Variants in SLCO1B1 observed in about 807,000 individuals in gnomAD.
SLCO1B1 encodes OATP-2.
A neutral mutation model predicts 70.1 loss-of-function variants in SLCO1B1; 81 were observed. That is an observed-to-expected ratio of 1.16 (90% CI 0.97 to 1.39). The LOEUF (loss-of-function observed/expected upper bound fraction) is 1.39, where lower values mean the gene tolerates loss of function less well. Ranked by LOEUF, SLCO1B1 falls within the 40% of genes most tolerant of loss-of-function variation. SLCO1B1 has a pLI of 0.00. For missense variants in SLCO1B1, 895 were observed against 799.6 expected (o/e 1.12, Z -1.44); for synonymous variants, 283 against 271.5 (o/e 1.04, Z -0.42).
rs1203500187 is a variant in SLCO1B1 at position 21,183,983 on chromosome 12, G to A, written c.727+4963G>A. ...CTTTAGCAACAGAACATACCAAAGA[G>A]AGAAAAGAATCTCAGAGCTTAAAAA... On this transcript the variant is annotated intron_variant, in intron 7 of 14. Transcript: ENST00000256958. 3.3e-5 allele frequency among the ~76,000 whole-genome samples: 5 copies of A among 151,246 alleles called. No homozygotes were observed. In the South Asian group the frequency reaches 6.3e-4, roughly 19 times the overall value.
At chr12:21,142,875 G>A (rs1940331027) in intron 2 of SLCO1B1, among the ~76,000 whole-genome samples, 1 of 152,064 alleles carries the variant, frequency 6.6e-6, no homozygotes. Flanking sequence ...AGCATATCTG[G>A]AGAAGCTGGG....
intron 11 of SLCO1B1, among the ~76,000 whole-genome samples, chr12:21,211,095 C>A (rs369406469): frequency 6.6e-6 from 1 of 151,602 alleles, no homozygotes; most frequent in Admixed American, 6.6e-5. Flanking sequence ...TTCCAACACT[C>A]TGTTGAATAG....
chr12:21,225,388 C>G (rs563042896), intron 14 of SLCO1B1, among the ~76,000 whole-genome samples: 25 of 151,880 alleles, frequency 1.6e-4, no homozygotes, highest in Non-Finnish European at 3.5e-4. Flanking sequence ...GCATGGGCAT[C>G]TGGAAAAACA....
At chr12:21,146,686 T>C (rs1033300635) in intron 2 of SLCO1B1, among the ~76,000 whole-genome samples, 5 of 152,160 alleles carry the variant, frequency 3.3e-5, no homozygotes, top group African/African-American at 1.2e-4. Flanking sequence ...CAGATTTCTT[T>C]TGACTCATAA....
intron 1 of SLCO1B1, among the ~76,000 whole-genome samples, chr12:21,135,326 G>A (rs1940202303): frequency 6.6e-6 from 1 of 152,190 alleles, no homozygotes; most frequent in Non-Finnish European, 1.5e-5. Flanking sequence ...TTGGGGTGGA[G>A]AGTTCTGTAG....
intron 14 of SLCO1B1, among the ~76,000 whole-genome samples, chr12:21,225,357 G>A (rs1003315932): frequency 6.6e-5 from 10 of 151,900 alleles, no homozygotes; most frequent in Non-Finnish European, 1.3e-4. Context: ...GAGATATTCC[G>A]TAAGTGACAT....
chr12:21,215,701 T>C (rs1941349405), intron 11 of SLCO1B1, among the ~76,000 whole-genome samples: 1 of 152,178 alleles, frequency 6.6e-6, no homozygotes, highest in Non-Finnish European at 1.5e-5. Context: ...TATATTTTGG[T>C]ACCAGGATGA....
chr12:21,239,293 T>G lies in SLCO1B1; in HGVS notation c.*104T>G. The G allele has an allele frequency of 1.2e-6, 1 of 837,500 alleles. No individual in the cohort carries two copies. The allele number at this position is 837,500 out of a possible 1,614,324, so 51.9% of individuals were successfully genotyped here. A position where few individuals can be genotyped will look rare whatever the true frequency, so the allele number is the denominator to read the frequency against. ...GTTCCTGGTCCTTTCACTAAGAATT[T>G]CCACATCTTTTATGGTGGAAGTATA... On this transcript the variant is annotated 3_prime_UTR_variant, in exon 15 of 15. Coordinates refer to ENST00000256958, the MANE Select transcript of SLCO1B1 (RefSeq NM_006446.5).
intron 5 of SLCO1B1, among the ~76,000 whole-genome samples, 172 bp from the exon 6 acceptor site, chr12:21,178,404 T>C (rs1014273936): frequency 2.0e-5 from 3 of 152,074 alleles, no homozygotes; most frequent in African/African-American, 7.2e-5. Flanking sequence ...ATTAGCAGCA[T>C]AAGAATGGAC....
At chr12:21,201,805 T>C (rs985118469) in intron 9 of SLCO1B1, among the ~76,000 whole-genome samples, 12 of 152,172 alleles carry the variant, frequency 7.9e-5, no homozygotes, top group African/African-American at 2.2e-4. Context: ...ACTGTCATCA[T>C]TGGCAGGAAC....
intron 14 of SLCO1B1, among the ~76,000 whole-genome samples, chr12:21,233,094 T>A (rs948275208): frequency 6.6e-6 from 1 of 152,118 alleles, no homozygotes. Flanking sequence ...AATATTGACC[T>A]GGCGAGGCTC....
chr12:21,189,322 G>A (rs1036048422), intron 7 of SLCO1B1, among the ~76,000 whole-genome samples: 1 of 152,116 alleles, frequency 6.6e-6, no homozygotes, highest in Non-Finnish European at 1.5e-5. Flanking sequence ...GGAAAAGAGT[G>A]GAGTTGTGCT....
intron 14 of SLCO1B1, among the ~76,000 whole-genome samples, chr12:21,226,919 A>G (rs1941488336): frequency 6.6e-6 from 1 of 152,166 alleles, no homozygotes. Flanking sequence ...TCCCAAAGAA[A>G]AAATCACGAA....
chr12:21,238,902 G>T, intron 14 of SLCO1B1, 77 bp from the exon 15 acceptor site: 1 of 835,716 alleles, frequency 1.2e-6, no homozygotes, highest in Non-Finnish European at 2.0e-6. Flanking sequence ...TTTAGGATCT[G>T]GATACTGGAG....
intron 4 of SLCO1B1, among the ~76,000 whole-genome samples, chr12:21,175,931 G>A (rs1420418771): frequency 1.3e-5 from 2 of 152,118 alleles, no homozygotes; most frequent in East Asian, 1.9e-4. Flanking sequence ...GCCATAATAT[G>A]TGACACTTTT....
intron 14 of SLCO1B1, among the ~76,000 whole-genome samples, chr12:21,236,225 A>G (rs1941594612): frequency 6.6e-6 from 1 of 152,096 alleles, no homozygotes; most frequent in Non-Finnish European, 1.5e-5. Context: ...AGGGGAAGCT[A>G]TAGTGGGCTA....
At chr12:21,147,721 T>C (rs1212440557) in intron 2 of SLCO1B1, among the ~76,000 whole-genome samples, 1 of 152,200 alleles carries the variant, frequency 6.6e-6, no homozygotes, top group African/African-American at 2.4e-5. Flanking sequence ...TTTGCTATTG[T>C]GAATAGTGCT....
chr12:21,151,112 A>G (rs1940465515), intron 2 of SLCO1B1, among the ~76,000 whole-genome samples: 1 of 152,202 alleles, frequency 6.6e-6, no homozygotes, highest in South Asian at 2.1e-4. Flanking sequence ...CTTTGATGCT[A>G]CCAAAACCTG....
At chr12:21,227,235 T>C (rs916411791) in intron 14 of SLCO1B1, among the ~76,000 whole-genome samples, 1 of 148,046 alleles carries the variant, frequency 6.8e-6, no homozygotes, top group Non-Finnish European at 1.5e-5. Flanking sequence ...TAGTTCTACC[T>C]GCAGGAAAAT....
Sources: gnomAD v4.1 joint callset for allele counts (sites outside exome capture counted in the v4.1 genomes callset) on GRCh38, gnomAD v4.1.1 for gene constraint, MANE v1.5 for transcripts, NCBI Gene and HGNC (gene_info 2026-07-23, HGNC 2026-07-21) for gene names.